The following PEX14 variants were observed in gnomAD, a reference collection of about 807,000 sequenced individuals.
The protein encoded by PEX14 is peroxisomal biogenesis factor 14.
In PEX14, 15 loss-of-function variants were observed where a neutral mutation model predicts 49.5. The ratio of observed to expected loss-of-function variants is 0.30; its 90% confidence interval spans 0.20 to 0.47. PEX14 has a LOEUF of 0.47. Ranked by LOEUF, PEX14 falls within the 20% of genes least tolerant of loss-of-function variation. PEX14 has a pLI of 1.00. For synonymous variants in PEX14, 210 were observed against 212.7 expected, an observed-to-expected ratio of 0.99 and a Z score of 0.11; for missense variants, 398 against 494.8, an observed-to-expected ratio of 0.80 and a Z score of 1.86.
intron 1 of PEX14, among the ~76,000 whole-genome samples, chr1:10,478,532 A>G (rs1641232736): frequency 6.6e-6 from 1 of 152,074 alleles, no homozygotes; most frequent in Admixed American, 6.6e-5. Context: ...GACTTGCTGG[A>G]ATTTCATTTA....
intron 1 of PEX14, among the ~76,000 whole-genome samples, chr1:10,490,790 C>T (rs998715362): frequency 6.6e-6 from 1 of 151,356 alleles, no homozygotes; most frequent in African/African-American, 2.4e-5. Context: ...CAGCCTCAAC[C>T]TCCTGGGCTC....
At chr1:10,557,027 C>CAA (rs2124521584) in intron 3 of PEX14, among the ~76,000 whole-genome samples, 1 of 152,208 alleles carries the variant, frequency 6.6e-6, no homozygotes, top group South Asian at 2.1e-4. Flanking sequence ...TAAGTAAAGC[C>CAA]AGTCACCTTA....
At chr1:10,562,647 G>T (rs1247159266) in intron 3 of PEX14, among the ~76,000 whole-genome samples, 2 of 152,148 alleles carry the variant, frequency 1.3e-5, no homozygotes, top group Non-Finnish European at 2.9e-5. Context: ...ATTTTGATTT[G>T]TTCTGTGATT....
chr1:10,599,459 C>G, intron 4 of PEX14, 93 bp downstream of exon 4: 1 of 1,422,904 alleles, frequency 7.0e-7, no homozygotes, highest in Non-Finnish European at 9.9e-7. Flanking sequence ...ACTTAGCAAA[C>G]CAGGAGAAAC....
intron 3 of PEX14, among the ~76,000 whole-genome samples, chr1:10,574,919 G>A (rs1449824713): frequency 3.3e-5 from 5 of 152,058 alleles, no homozygotes; most frequent in Admixed American, 6.6e-5. Flanking sequence ...AGACCAGCCT[G>A]GGCAACATGG....
intron 3 of PEX14, among the ~76,000 whole-genome samples, chr1:10,564,415 C>G (rs1639742044): frequency 6.6e-6 from 1 of 151,294 alleles, no homozygotes; most frequent in South Asian, 2.1e-4. Context: ...TTTACAATTA[C>G]CTTGTTTGCA....
chr1:10,599,513 C>A, intron 4 of PEX14, 147 bp downstream of exon 4: 1 of 887,258 alleles, frequency 1.1e-6, no homozygotes, highest in Non-Finnish European at 1.9e-6. Flanking sequence ...AGGAATGTGA[C>A]ACACCCCAGT....
intron 4 of PEX14, among the ~76,000 whole-genome samples, chr1:10,615,617 G>T (rs544153313): frequency 1.3e-5 from 2 of 152,230 alleles, no homozygotes; most frequent in Non-Finnish European, 2.9e-5. Context: ...AAATGCACAC[G>T]CCCTGGGACC....
rs571992311 is a variant in PEX14 at position 10,568,069 on chromosome 1, C to T, written c.170-31169C>T. Among the ~76,000 whole-genome samples the T allele has an allele frequency of 4.6e-5, 7 of 152,240 alleles. No individual in the cohort carries two copies. In the East Asian group the frequency reaches 7.7e-4, roughly 17 times the overall value. ...CTAGATACTTATATTGTTTATGGTA[C>T]GTTAATTCATGTCAGTTTTTCCAGG... On this transcript the variant is annotated intron_variant, in intron 3 of 8. Coordinates refer to ENST00000356607, the MANE Select transcript of PEX14 (RefSeq NM_004565.3).
intron 4 of PEX14, among the ~76,000 whole-genome samples, chr1:10,606,595 A>G (rs1432775881): frequency 2.0e-5 from 3 of 152,250 alleles, no homozygotes; most frequent in South Asian, 2.1e-4. Flanking sequence ...AGTTCTAGCT[A>G]GTAAATTAGG....
intron 3 of PEX14, among the ~76,000 whole-genome samples, chr1:10,542,562 C>A (rs999487263): frequency 5.3e-5 from 8 of 152,146 alleles, no homozygotes; most frequent in African/African-American, 1.7e-4. Context: ...AAAATTGAGA[C>A]CATCCTAGCT....
At chr1:10,627,758 G>A (rs1641792708) in intron 8 of PEX14, among the ~76,000 whole-genome samples, 1 of 152,112 alleles carries the variant, frequency 6.6e-6, no homozygotes, top group Non-Finnish European at 1.5e-5. Flanking sequence ...TTTGTGTTTT[G>A]TACTTGGAAG....
chr1:10,591,341 T>C (rs1414023032), intron 3 of PEX14, among the ~76,000 whole-genome samples: 10 of 151,662 alleles, frequency 6.6e-5, no homozygotes, highest in Admixed American at 5.3e-4. Flanking sequence ...CTTTCTGTTA[T>C]AATCCTAGCT....
At chr1:10,599,438 G>C in intron 4 of PEX14, 72 bp downstream of exon 4, 1 of 1,554,674 alleles carries the variant, frequency 6.4e-7, no homozygotes, top group Non-Finnish European at 8.9e-7. Flanking sequence ...GCAGTGTTCT[G>C]TATCTCCCAG....
In PEX14 at chr1:10,629,663, G is replaced by A; in HGVS notation, c.810G>A (p.Glu270=). Residue 270 remains glutamate (E), a synonymous_variant, in exon 9 of 9, where the codon GAG becomes GAA. Coordinates refer to ENST00000356607, the MANE Select transcript of PEX14 (RefSeq NM_004565.3). This position sits in a 1 kb window ranked among gnomAD's most constrained non-coding sequence, Gnocchi z 8.5. ...SSSDISPVSN[E]STSSSPGKEG... is the part of the protein sequence containing the mutation. ...GCGACATCTCACCTGTCAGCAACGA[G>A]TCCACGTCGTCCTCGCCTGGGAAGG... 6.2e-7 allele frequency: 1 copy of A among 1,613,898 alleles called. No individual in the cohort carries two copies. The highest frequency in any genetic ancestry group is 8.5e-7 in the Non-Finnish European group (1 of 1,179,932).
chr1:10,502,276 C>T (rs1401453499), intron 2 of PEX14, among the ~76,000 whole-genome samples: 1 of 152,112 alleles, frequency 6.6e-6, no homozygotes, highest in Non-Finnish European at 1.5e-5. Flanking sequence ...TGATTCCCAC[C>T]TCCTCTGCCA....
chr1:10,595,987 C>A (rs751110406), intron 3 of PEX14, among the ~76,000 whole-genome samples: 2 of 152,186 alleles, frequency 1.3e-5, no homozygotes, highest in Non-Finnish European at 2.9e-5. Flanking sequence ...AATCTAAGAT[C>A]AGCAGTTTGT....
intron 3 of PEX14, among the ~76,000 whole-genome samples, chr1:10,545,125 C>G (rs1025546725): frequency 4.6e-5 from 7 of 151,952 alleles, no homozygotes; most frequent in African/African-American, 1.7e-4. Context: ...TTTTTTTGTT[C>G]TGGCTTTTCC....
At chr1:10,568,094 G>T (rs761197036) in intron 3 of PEX14, among the ~76,000 whole-genome samples, 6 of 151,994 alleles carry the variant, frequency 3.9e-5, no homozygotes, top group Non-Finnish European at 5.9e-5. Flanking sequence ...GTTTTTCCAG[G>T]TGCTATATGT....
Sources: gnomAD v4.1 joint callset for allele counts (sites outside exome capture counted in the v4.1 genomes callset) on GRCh38, gnomAD v4.1.1 for gene constraint, Gnocchi (gnomAD v3.1) non-coding constraint, MANE v1.5 for transcripts, NCBI Gene and HGNC (gene_info 2026-07-23, HGNC 2026-07-21) for gene names.